Variants in KLHDC10 observed in about 807,000 individuals in gnomAD.
KLHDC10 encodes kelch domain containing 10, also known as kelch domain-containing protein 10.
KLHDC10 carries 24 observed loss-of-function variants against 56.1 expected under a neutral mutation model. That is an observed-to-expected ratio of 0.43 (90% CI 0.31 to 0.60). The LOEUF is 0.60. Among genes scored for constraint, KLHDC10 ranks in the 20% least tolerant of loss-of-function variants. The pLI, the probability that KLHDC10 is intolerant of heterozygous loss-of-function variation, is 0.11. For missense variants in KLHDC10, 349 were observed against 567.0 expected, an observed-to-expected ratio of 0.62 and a Z score of 3.91; for synonymous variants, 188 against 207.1, an observed-to-expected ratio of 0.91 and a Z score of 0.79.
intron 2 of KLHDC10, among the ~76,000 whole-genome samples, chr7:130,114,027 G>T (rs1796135447): frequency 6.6e-6 from 1 of 152,120 alleles, no homozygotes; most frequent in African/African-American, 2.4e-5. Flanking sequence ...GTATCTGTTA[G>T]GCATAATAAT....
At chr7:130,100,452 G>T (rs967156486) in intron 2 of KLHDC10, among the ~76,000 whole-genome samples, 7 of 152,186 alleles carry the variant, frequency 4.6e-5, no homozygotes, top group Admixed American at 1.3e-4. Flanking sequence ...CTTTACTCCA[G>T]TTTGTAGCAT....
At chr7:130,093,521 C>T (rs1351370222) in intron 1 of KLHDC10, among the ~76,000 whole-genome samples, 5 of 152,006 alleles carry the variant, frequency 3.3e-5, no homozygotes, top group Non-Finnish European at 5.9e-5. Flanking sequence ...CCACCACACC[C>T]GGCCTATATT....
intron 2 of KLHDC10, among the ~76,000 whole-genome samples, chr7:130,115,834 T>TA (rs748344412): frequency 8.1e-4 from 123 of 152,200 alleles, no homozygotes; most frequent in Non-Finnish European, 1.3e-3. Context: ...CTCTCTGAGA[T>TA]AAATATAAGG....
intron 1 of KLHDC10, among the ~76,000 whole-genome samples, chr7:130,072,599 A>G (rs1462162482): frequency 6.6e-6 from 1 of 152,124 alleles, no homozygotes; most frequent in African/African-American, 2.4e-5. Flanking sequence ...AAATTCTTTC[A>G]TACCAATTCT....
Position 130,120,705 on chromosome 7 carries a change from C to T in KLHDC10, c.476-44C>T, listed in dbSNP as rs1796236286. On this transcript the variant is annotated intron_variant, in intron 3 of 9. Transcript: ENST00000335420. The surrounding 1 kb of genome is among the most constrained non-coding windows in gnomAD (Gnocchi z 5.1). ...TCTGGGTTTATGTGGGAACAAATTG[C>T]AGGTAGCCATTTGTGAACAGAACTT... 7 of 1,605,216 alleles carry T rather than the reference C, an allele frequency of 4.4e-6. No individual in the cohort carries two copies. Among genetic ancestry groups the T allele is most frequent in the Non-Finnish European group, 6.0e-6 (7 of 1,174,274 alleles).
At chr7:130,083,686 G>T (rs1468518049) in intron 1 of KLHDC10, among the ~76,000 whole-genome samples, 1 of 152,074 alleles carries the variant, frequency 6.6e-6, no homozygotes. Flanking sequence ...GGAGGTGGAG[G>T]TTGTAGTGAG....
intron 1 of KLHDC10, among the ~76,000 whole-genome samples, chr7:130,081,719 T>A (rs1795610106): frequency 6.6e-6 from 1 of 152,238 alleles, no homozygotes; most frequent in Non-Finnish European, 1.5e-5. Flanking sequence ...TCACAGGTCA[T>A]TTATGTTTTG....
Position 130,116,378 on chromosome 7 carries a change from T to C in KLHDC10, c.254-67T>C. The stretch of plus-strand genomic sequence containing the variant: ...CCCCTTTTATGGCTAAAATGGTTGT[T>C]ACCTAATTTTGTTTGTGCTTTTAAA... On this transcript the variant is annotated intron_variant, in intron 2 of 9. Coordinates refer to ENST00000335420, the MANE Select transcript of KLHDC10 (RefSeq NM_014997.4). The surrounding 1 kb of genome is among the most constrained non-coding windows in gnomAD (Gnocchi z 4.8). 1.7e-6 allele frequency: 2 copies of C among 1,188,870 alleles called. No homozygotes were observed. Among genetic ancestry groups the C allele is most frequent in the Non-Finnish European group, 2.4e-6 (2 of 816,656 alleles). 73.6% of individuals were successfully genotyped at this position (1,188,870 alleles called of 1,614,324 possible).
intron 2 of KLHDC10, among the ~76,000 whole-genome samples, chr7:130,100,064 CCA>C (rs1795908764): frequency 6.6e-6 from 1 of 151,426 alleles, no homozygotes; most frequent in South Asian, 2.1e-4. Context: ...TATAATCATG[CCA>C]CTGCATTCCA....
Position 130,108,737 on chromosome 7 carries a change from AAAAG to A in KLHDC10, c.254-7700_254-7697del, listed in dbSNP as rs1447154180. Among the ~76,000 whole-genome samples, 251 of 151,566 alleles carry A rather than the reference AAAAG, an allele frequency of 1.7e-3. 1 individual carries two copies. The highest frequency in any genetic ancestry group is 5.7e-3 in the African/African-American group (235 of 41,322). On this transcript the variant is annotated intron_variant, in intron 2 of 9. Transcript: ENST00000335420. ...ACCCCATCTCAAACAAAAAAAAAAA[AAAAG>A]AAAGAAAAGGGAAAAAAATGTCTCC...
chr7:130,122,245 C>T (rs762906251), intron 5 of KLHDC10, 43 bp downstream of exon 5: 1 of 1,595,014 alleles, frequency 6.3e-7, no homozygotes, highest in Non-Finnish European at 8.6e-7. Flanking sequence ...TTCGTGCTAA[C>T]ATTTGACCTC....
At chr7:130,117,313 A>G (rs1796181793) in intron 3 of KLHDC10, among the ~76,000 whole-genome samples, 1 of 152,030 alleles carries the variant, frequency 6.6e-6, no homozygotes. Flanking sequence ...GATTGTGGCA[A>G]TTTCTTAAGA....
chr7:130,134,428 G>C lies in KLHDC10; in HGVS notation c.*3682G>C, dbSNP rs1013973338. ...CTCTCTAACCACCAAAGAACTCTTAGTACCTACGGGAAGGAAAAGCTGTGT... is the reference window on the plus strand; with the variant it reads ...CTCTCTAACCACCAAAGAACTCTTACTACCTACGGGAAGGAAAAGCTGTGT... On this transcript the variant is annotated 3_prime_UTR_variant, in exon 10 of 10. Coordinates refer to ENST00000335420, the MANE Select transcript of KLHDC10 (RefSeq NM_014997.4). 1 of 152,200 alleles carries C rather than the reference G, an allele frequency of 6.6e-6. No individual in the cohort carries two copies. The highest frequency in any genetic ancestry group is 2.4e-5 in the African/African-American group (1 of 41,448). 9.4% of individuals were successfully genotyped at this position (152,200 alleles called of 1,614,324 possible).
At chr7:130,091,396 C>G (rs1584624152) in intron 1 of KLHDC10, among the ~76,000 whole-genome samples, 1 of 152,210 alleles carries the variant, frequency 6.6e-6, no homozygotes, top group East Asian at 1.9e-4. Flanking sequence ...TAGTCTCTCT[C>G]ATTTTTAGAA....
chr7:130,089,793 T>G (rs1163456034), intron 1 of KLHDC10, among the ~76,000 whole-genome samples: 1 of 152,184 alleles, frequency 6.6e-6, no homozygotes, highest in Non-Finnish European at 1.5e-5. Flanking sequence ...TCTTTATAGA[T>G]CCTGAATTGT....
At chr7:130,093,776 A>T (rs1795811657) in intron 1 of KLHDC10, among the ~76,000 whole-genome samples, 2 of 152,078 alleles carry the variant, frequency 1.3e-5, no homozygotes, top group South Asian at 4.1e-4. Flanking sequence ...GCCTGCCTTG[A>T]TTGAATAACC....
In KLHDC10 at chr7:130,070,649, G is replaced by A. The variant is rs1243434664; in HGVS notation, c.6G>A (p.Ser2=). The A allele has an allele frequency of 5.3e-6, 7 of 1,311,718 alleles. No individual in the cohort carries two copies. Among genetic ancestry groups the A allele is most frequent in the Non-Finnish European group, 6.8e-6 (7 of 1,025,262 alleles). 81.3% of individuals were successfully genotyped at this position (1,311,718 alleles called of 1,614,324 possible). A position where few individuals can be genotyped will look rare whatever the true frequency, so the allele number is the denominator to read the frequency against. The part of the protein sequence containing the change: M[S]AAQGWDRNRR... ...GCGGCAATCGTTAGCGGGTCATGTCGGCCGCCCAGGGCTGGGACAGGAACC... is the reference window on the plus strand; with the variant it reads ...GCGGCAATCGTTAGCGGGTCATGTCAGCCGCCCAGGGCTGGGACAGGAACC... The change falls in exon 1 of 10, where the codon TCG becomes TCA. Residue 2 remains serine, a synonymous_variant. Transcript: ENST00000335420.
chr7:130,084,086 A>G (rs1795648192), intron 1 of KLHDC10, among the ~76,000 whole-genome samples: 2 of 152,134 alleles, frequency 1.3e-5, no homozygotes, highest in African/African-American at 4.8e-5. Flanking sequence ...TTCAGCCCAA[A>G]TCTCTTTTGA....
chr7:130,121,022 G>T, intron 4 of KLHDC10, 119 bp downstream of exon 4: 1 of 1,016,718 alleles, frequency 9.8e-7, no homozygotes, highest in South Asian at 1.8e-5. Flanking sequence ...TTTGTGGTTA[G>T]TACTTGATTT....
Sources: gnomAD v4.1 joint callset for allele counts (sites outside exome capture counted in the v4.1 genomes callset) on GRCh38, gnomAD v4.1.1 for gene constraint, Gnocchi (gnomAD v3.1) non-coding constraint, MANE v1.5 for transcripts, NCBI Gene and HGNC (gene_info 2026-07-23, HGNC 2026-07-21) for gene names.